PCSK6: variants seen among roughly 807,000 people sequenced by gnomAD.
The protein encoded by PCSK6 is proprotein convertase subtilisin/kexin type 6, also known as paired basic amino acid cleaving enzyme 4.
Under a neutral mutation model 123.3 loss-of-function variants are expected in PCSK6, and 85 were observed. The observed-to-expected ratio is 0.69, with a 90% CI of 0.58 to 0.83. The LOEUF (loss-of-function observed/expected upper bound fraction) is 0.83. Among genes scored for constraint, PCSK6 ranks in the 40% least tolerant of loss-of-function variants. PCSK6 has a pLI of 0.00. For missense variants in PCSK6, 1,191 were observed against 1,282.3 expected (o/e 0.93, Z 1.09); for synonymous variants, 508 against 516.0 (o/e 0.98, Z 0.21).
Position 101,382,151 on chromosome 15 carries a change from C to A in PCSK6, c.1473G>T (p.Lys491Asn). ...GCTGCGATGGCACTGCTGTCCACTT[C>A]TTTGCCTCCACAACGAGAGCTTCTG... Reference protein sequence around the residue: ...VDAEALVVEAKKWTAVPSQHM... With the variant: ...VDAEALVVEANKWTAVPSQHM... The change falls in exon 11 of 22, where the codon AAG becomes AAT. Residue 491 changes from lysine to asparagine, a missense_variant. Physicochemically the swap from Lys to Asn is moderately conservative, Grantham distance 94. Transcript: ENST00000611716. The A allele has an allele frequency of 6.2e-7, 1 of 1,613,054 alleles. No individual in the cohort carries two copies. The highest frequency in any genetic ancestry group is 1.1e-5 in the South Asian group (1 of 90,660).
At chr15:101,424,688 G>A (rs1170257458) in intron 6 of PCSK6, among the ~76,000 whole-genome samples, 1 of 152,224 alleles carries the variant, frequency 6.6e-6, no homozygotes, top group Non-Finnish European at 1.5e-5. Flanking sequence ...AACAAGAAAT[G>A]CACTGTGGGT....
chr15:101,407,523 A>G (rs1191846828), intron 6 of PCSK6, among the ~76,000 whole-genome samples: 1 of 152,170 alleles, frequency 6.6e-6, no homozygotes, highest in Non-Finnish European at 1.5e-5. Flanking sequence ...AGCCACCTCC[A>G]TCATGGGCTC....
intron 5 of PCSK6, among the ~76,000 whole-genome samples, chr15:101,429,488 A>C (rs2056374088): frequency 6.6e-6 from 1 of 152,132 alleles, no homozygotes; most frequent in African/African-American, 2.4e-5. Flanking sequence ...ATGAAGTTTC[A>C]ACCAGCTCAC....
intron 5 of PCSK6, among the ~76,000 whole-genome samples, chr15:101,429,093 C>CA (rs2056358370): frequency 6.6e-6 from 1 of 152,196 alleles, no homozygotes; most frequent in Non-Finnish European, 1.5e-5. Flanking sequence ...AAAGCGACCA[C>CA]AAACTAAAAG....
chr15:101,389,441 G>A, intron 9 of PCSK6, 23 bp downstream of exon 9: 1 of 1,534,930 alleles, frequency 6.5e-7, no homozygotes, highest in Admixed American at 1.7e-5. Context: ...TTTTTTTTTA[G>A]AAAAAGGTAA....
At chr15:101,338,665 C>G (rs1204384728) in intron 13 of PCSK6, among the ~76,000 whole-genome samples, 1 of 152,246 alleles carries the variant, frequency 6.6e-6, no homozygotes, top group African/African-American at 2.4e-5. Flanking sequence ...TTCAAGTTTA[C>G]TGTTGTACAT....
intron 13 of PCSK6, among the ~76,000 whole-genome samples, chr15:101,340,939 TC>T (rs1412108163): frequency 1.3e-5 from 2 of 150,528 alleles, no homozygotes. Context: ...TATGTGCTTC[TC>T]CCAAATTTTT....
rs1324128744 is a variant in PCSK6 at position 101,443,475 on chromosome 15, A to G, written c.402+81T>C. ...AAAACTCATGTCTATCCAGAATCAC[A>G]TTAAAATCCAGACTCCGCCATTTTT... On this transcript the variant is annotated intron_variant, in intron 2 of 21. Transcript: ENST00000611716. 6 of 938,004 alleles carry G rather than the reference A, an allele frequency of 6.4e-6. No homozygotes were observed. The African/African-American group carries it at 8.3e-5, about 13-fold the overall frequency. The allele number at this position is 938,004 out of a possible 1,614,324, so 58.1% of individuals were successfully genotyped here. A position where few individuals can be genotyped will look rare whatever the true frequency, so the allele number is the denominator to read the frequency against.
At chr15:101,307,097 G>A (rs1271059023) in intron 21 of PCSK6, 116 bp downstream of exon 21, 19 of 707,168 alleles carry the variant, frequency 2.7e-5, no homozygotes, top group Non-Finnish European at 3.7e-5. Flanking sequence ...TCAGGGGCAC[G>A]AACGCCTGTC....
intron 1 of PCSK6, among the ~76,000 whole-genome samples, chr15:101,463,921 C>T (rs1166708493): frequency 2.6e-5 from 4 of 152,134 alleles, no homozygotes; most frequent in Non-Finnish European, 4.4e-5. Flanking sequence ...CAAGGAGAAC[C>T]AGAAGGCCCC....
At chr15:101,341,473 AC>A (rs2040606672) in intron 13 of PCSK6, among the ~76,000 whole-genome samples, 1 of 150,632 alleles carries the variant, frequency 6.6e-6, no homozygotes, top group African/African-American at 2.4e-5. Flanking sequence ...TGTTGGCCAC[AC>A]TGGTCTTGAA....
In PCSK6 at chr15:101,321,864, A is replaced by C. The variant is rs547378917; in HGVS notation, c.2465+656T>G. 1.1e-4 allele frequency among the ~76,000 whole-genome samples: 16 copies of C among 152,366 alleles called. No homozygotes were observed. The South Asian group carries it at 3.3e-3, about 32-fold the overall frequency. On this transcript the variant is annotated intron_variant, in intron 18 of 21. Coordinates refer to ENST00000611716, the MANE Select transcript of PCSK6 (RefSeq NM_002570.5). ...TCTCCCTACTATGGGAGTGTCCCCC[A>C]AAAAATTTTGAACAGAATGTTCTAA...
intron 1 of PCSK6, among the ~76,000 whole-genome samples, chr15:101,478,803 C>T (rs1191395107): frequency 1.3e-5 from 2 of 152,174 alleles, no homozygotes; most frequent in Non-Finnish European, 2.9e-5. Context: ...CAAGAGATGT[C>T]AAAGGGTGGA....
intron 1 of PCSK6, among the ~76,000 whole-genome samples, chr15:101,475,133 G>T (rs2057699728): frequency 6.6e-6 from 1 of 152,142 alleles, no homozygotes; most frequent in Admixed American, 6.5e-5. Flanking sequence ...AAAACATTTG[G>T]ACTCCGCCCC....
At position 101,393,307 on chromosome 15, in the gene PCSK6, C is replaced by A. The variant is rs539261901; in HGVS notation, c.1114G>T (p.Ala372Ser). The change falls in exon 8 of 22, where the codon GCC (alanine) becomes TCC (serine). Residue 372 changes from alanine (A) to serine (S), a missense_variant. Transcript: ENST00000611716. Reference protein sequence around the residue: ...NSIYTISVSSATENGYKPWYL... With the variant: ...NSIYTISVSSSTENGYKPWYL... ...CAGGGCTTGTAGCCATTCTCGGTGG[C>A]GCTGCTGACGGAGATGGTGTAGATG... 1.9e-6 allele frequency: 3 copies of A among 1,595,306 alleles called. No individual in the cohort carries two copies. The highest frequency in any genetic ancestry group is 2.2e-5 in the South Asian group (2 of 90,124).
intron 1 of PCSK6, among the ~76,000 whole-genome samples, chr15:101,462,333 C>T (rs1187628602): frequency 6.6e-6 from 1 of 151,952 alleles, no homozygotes; most frequent in Non-Finnish European, 1.5e-5. Flanking sequence ...TAGGAAGGTC[C>T]CATATCATAA....
intron 13 of PCSK6, among the ~76,000 whole-genome samples, chr15:101,348,829 C>T (rs1029711731): frequency 6.6e-6 from 1 of 152,306 alleles, no homozygotes; most frequent in Admixed American, 6.5e-5. Context: ...CTGCTCTGGG[C>T]TCTCCCTAAA....
At chr15:101,347,213 A>C (rs2040757217) in intron 13 of PCSK6, 1 of 1,231,706 alleles carries the variant, frequency 8.1e-7, no homozygotes, top group African/African-American at 1.6e-5. Flanking sequence ...TCTAGCATCA[A>C]GCACAGGATA....
chr15:101,317,131 T>C (rs901886523), intron 19 of PCSK6, among the ~76,000 whole-genome samples: 4 of 152,056 alleles, frequency 2.6e-5, no homozygotes, highest in Non-Finnish European at 5.9e-5. Context: ...AGGCTGGTCT[T>C]GAACTCCTGA....
Sources: gnomAD v4.1 joint callset for allele counts (sites outside exome capture counted in the v4.1 genomes callset) on GRCh38, gnomAD v4.1.1 for gene constraint, MANE v1.5 for transcripts, NCBI Gene and HGNC (gene_info 2026-07-23, HGNC 2026-07-21) for gene names.